ESRRG: variants seen among roughly 807,000 people sequenced by gnomAD.
ESRRG encodes the protein estrogen related receptor gamma.
In ESRRG, 13 loss-of-function variants were observed where a neutral mutation model predicts 44.0. The ratio of observed to expected loss-of-function variants is 0.30; its 90% CI spans 0.19 to 0.47. ESRRG has a LOEUF of 0.47. Among genes scored for constraint, ESRRG ranks in the 20% least tolerant of loss-of-function variants. The probability of loss-of-function intolerance (pLI) is 1.00; values close to 1 mark genes in which losing one functional copy is unlikely to be tolerated. For missense variants in ESRRG, 395 were observed against 580.6 expected (o/e 0.68, Z 3.29); for synonymous variants, 215 against 214.6 (o/e 1.00, Z -0.02).
intron 1 of ESRRG, among the ~76,000 whole-genome samples, chr1:217,006,796 T>A (rs1015123646): frequency 1.3e-5 from 2 of 152,098 alleles, no homozygotes; most frequent in African/African-American, 4.8e-5. Context: ...ATTTTCCACT[T>A]GTGGTGTCAT....
At chr1:216,985,223 C>A (rs2074665849) in intron 1 of ESRRG, among the ~76,000 whole-genome samples, 1 of 152,180 alleles carries the variant, frequency 6.6e-6, no homozygotes. Context: ...TTCTTTTGAA[C>A]AGCCTAATAA....
intron 1 of ESRRG, among the ~76,000 whole-genome samples, chr1:216,712,633 C>T (rs1575632886): frequency 2.6e-5 from 4 of 152,176 alleles, no homozygotes; most frequent in Admixed American, 2.6e-4. Flanking sequence ...TGAAGACCAC[C>T]TTATTTTGAT....
At chr1:216,558,004 G>A (rs368706840) in intron 5 of ESRRG, among the ~76,000 whole-genome samples, 13 of 152,184 alleles carry the variant, frequency 8.5e-5, no homozygotes, top group South Asian at 4.1e-4. Flanking sequence ...ATGCTGGAAC[G>A]GAGACACATG....
intron 1 of ESRRG, among the ~76,000 whole-genome samples, chr1:216,984,212 C>A (rs1384633333): frequency 2.6e-5 from 4 of 152,128 alleles, no homozygotes; most frequent in Non-Finnish European, 4.4e-5. Context: ...CAGGAATATA[C>A]TCTTCCGTAT....
intron 5 of ESRRG, among the ~76,000 whole-genome samples, chr1:216,560,750 C>A (rs1036190136): frequency 6.6e-6 from 1 of 152,102 alleles, no homozygotes. Flanking sequence ...GCAGTACCTC[C>A]GTATCTACAT....
rs11287585 is a variant in ESRRG at position 216,631,085 on chromosome 1, GAA to G, written c.589+19886_589+19887del. Among the ~76,000 whole-genome samples the G allele has an allele frequency of 5.1e-3, 683 of 134,704 alleles. 5 individuals carry two copies. The highest frequency in any genetic ancestry group is 0.016 in the African/African-American group (603 of 36,928). The allele number at this position is 134,704 out of a possible 152,430, so 88.4% of individuals were successfully genotyped here. On this transcript the variant is annotated intron_variant, in intron 3 of 6. Transcript: ENST00000408911. ...TCCATCAGGTTAAACAGAGGGAAAA[GAA>G]AAAAAAAAAAAATCCTGATACTTTT...
intron 1 of ESRRG, among the ~76,000 whole-genome samples, chr1:216,715,579 T>C (rs138431555): frequency 6.6e-6 from 1 of 152,264 alleles, no homozygotes; most frequent in Admixed American, 6.5e-5. Context: ...GGCAATCAAT[T>C]GAACAACCTC....
At chr1:216,566,138 A>C (rs2059644028) in intron 4 of ESRRG, among the ~76,000 whole-genome samples, 1 of 152,144 alleles carries the variant, frequency 6.6e-6, no homozygotes, top group Non-Finnish European at 1.5e-5. Flanking sequence ...AATCTTATTT[A>C]ATGTTTCCCT....
At chr1:216,979,759 AC>A (rs2073618908) in intron 1 of ESRRG, among the ~76,000 whole-genome samples, 1 of 152,310 alleles carries the variant, frequency 6.6e-6, no homozygotes, top group African/African-American at 2.4e-5. Context: ...GTGTTTAATA[AC>A]TGGAATGAAA....
At chr1:216,546,334 C>T (rs1029803108) in intron 5 of ESRRG, among the ~76,000 whole-genome samples, 2 of 152,024 alleles carry the variant, frequency 1.3e-5, no homozygotes, top group African/African-American at 4.8e-5. Flanking sequence ...ATCAAAAAAG[C>T]TTGTCTGGGT....
chr1:216,903,414 G>A (rs1276140758), intron 2 of ESRRG, among the ~76,000 whole-genome samples: 3 of 136,426 alleles, frequency 2.2e-5, no homozygotes, highest in Non-Finnish European at 4.6e-5. Context: ...TATATGTGTG[G>A]TTGTGTGTGT....
intron 2 of ESRRG, among the ~76,000 whole-genome samples, chr1:216,789,518 AC>A (rs2148049634): frequency 6.6e-6 from 1 of 152,306 alleles, no homozygotes; most frequent in South Asian, 2.1e-4. Context: ...CTATGTATAA[AC>A]ATAATCAGTA....
intron 1 of ESRRG, among the ~76,000 whole-genome samples, chr1:217,111,161 T>TAC (rs1334653365): frequency 6.6e-6 from 1 of 152,174 alleles, no homozygotes; most frequent in African/African-American, 2.4e-5. Context: ...GAGCCCAGGA[T>TAC]ACCATCAGAG....
At chr1:216,925,922 C>T (rs1466850976) in intron 2 of ESRRG, among the ~76,000 whole-genome samples, 1 of 151,988 alleles carries the variant, frequency 6.6e-6, no homozygotes, top group Non-Finnish European at 1.5e-5. Context: ...GGCACTCCAG[C>T]CTGGGCAACA....
At chr1:216,590,318 G>C (rs1463514611) in intron 3 of ESRRG, among the ~76,000 whole-genome samples, 1 of 152,086 alleles carries the variant, frequency 6.6e-6, no homozygotes, top group East Asian at 1.9e-4. Context: ...AACTGGATTA[G>C]TTTTGGTATT....
In ESRRG at chr1:216,681,171, G is replaced by A. The variant is rs183469774; in HGVS notation, c.57-3680C>T. Among the ~76,000 whole-genome samples, 3 of 152,274 alleles carry A rather than the reference G, an allele frequency of 2.0e-5. No individual in the cohort carries two copies. In the East Asian group the frequency reaches 5.8e-4, roughly 29 times the overall value. Reference sequence around the variant, plus strand: ...TTTAAGAGAAATGGTGAGATGAACAGGGAGCAAGACCAGCTAACTAACTCC... The same window carrying A: ...TTTAAGAGAAATGGTGAGATGAACAAGGAGCAAGACCAGCTAACTAACTCC... On this transcript the variant is annotated intron_variant, in intron 1 of 6. Transcript: ENST00000408911.
chr1:216,553,568 T>C (rs1299282644), intron 5 of ESRRG, among the ~76,000 whole-genome samples: 2 of 152,180 alleles, frequency 1.3e-5, no homozygotes, highest in African/African-American at 4.8e-5. Context: ...CAAAGTTATG[T>C]GATTACTGGA....
chr1:216,702,455 A>G (rs1273096103), intron 1 of ESRRG, among the ~76,000 whole-genome samples: 1 of 152,026 alleles, frequency 6.6e-6, no homozygotes, highest in African/African-American at 2.4e-5. Flanking sequence ...TCTTAGGATA[A>G]AGTAAGTTAT....
intron 1 of ESRRG, among the ~76,000 whole-genome samples, chr1:217,075,614 A>T (rs1440387689): frequency 7.0e-6 from 1 of 143,604 alleles, no homozygotes; most frequent in African/African-American, 2.5e-5. Context: ...TAATTACTAG[A>T]GTCTATTCTT....
Sources: allele counts gnomAD v4.1 joint callset (sites outside exome capture counted in the v4.1 genomes callset), GRCh38; gene constraint gnomAD v4.1.1; transcripts MANE v1.5; gene names NCBI Gene and HGNC (gene_info 2026-07-23, HGNC 2026-07-21).